The following NRG3 variants were observed in gnomAD, a reference collection of about 807,000 sequenced individuals.
NRG3 encodes neuregulin 3.
In NRG3, 31 loss-of-function variants were observed where a neutral mutation model predicts 66.9. The ratio of observed to expected loss-of-function variants is 0.46; its 90% CI spans 0.35 to 0.63. NRG3 has a LOEUF of 0.63. NRG3 is among the 20% of genes least tolerant of loss of function. The pLI is 0.00. For synonymous variants in NRG3, 393 were observed against 359.4 expected (o/e 1.09, Z -1.06); for missense variants, 910 against 878.9 (o/e 1.04, Z -0.45).
chr10:82,304,849 A>G (rs1348550936), intron 1 of NRG3, among the ~76,000 whole-genome samples: 1 of 152,080 alleles, frequency 6.6e-6, no homozygotes, highest in Non-Finnish European at 1.5e-5. Context: ...CATCATATTA[A>G]CAGGTTCCCT....
chr10:81,995,677 A>G (rs1329210227), intron 1 of NRG3, among the ~76,000 whole-genome samples: 2 of 152,154 alleles, frequency 1.3e-5, no homozygotes, highest in Non-Finnish European at 2.9e-5. Context: ...TATTCTTTCA[A>G]TTACTTCCTA....
In NRG3 at chr10:82,830,025, A is replaced by T. The variant is rs554671909; in HGVS notation, c.1028-35386A>T. On this transcript the variant is annotated intron_variant, in intron 3 of 8. Coordinates refer to ENST00000372141, the MANE Select transcript of NRG3 (RefSeq NM_001010848.4). ...TTCACATCAGAGAGCTGAGTTCCGT[A>T]TCTTCTCATGGTGATCTTTGATCCA... is the stretch of plus-strand genomic sequence containing the variant. Among the ~76,000 whole-genome samples the T allele has an allele frequency of 2.0e-5, 3 of 152,224 alleles. No homozygotes were observed. In the East Asian group the frequency reaches 5.8e-4, roughly 29 times the overall value.
intron 1 of NRG3, among the ~76,000 whole-genome samples, chr10:82,216,680 C>G (rs1254270859): frequency 6.6e-6 from 1 of 150,580 alleles, no homozygotes; most frequent in African/African-American, 2.4e-5. Context: ...TTTTATAAAT[C>G]TTAAATTTTC....
chr10:82,204,137 C>G (rs1300504792), intron 1 of NRG3, among the ~76,000 whole-genome samples: 1 of 152,136 alleles, frequency 6.6e-6, no homozygotes, highest in Non-Finnish European at 1.5e-5. Context: ...ATTTTGCAAT[C>G]TACCTCACTG....
intron 1 of NRG3, among the ~76,000 whole-genome samples, chr10:82,008,800 G>T (rs369042177): frequency 5.3e-5 from 8 of 152,296 alleles, no homozygotes; most frequent in African/African-American, 1.9e-4. Context: ...AACATCACCA[G>T]GAAGAATGCA....
chr10:82,195,389 A>G (rs568287850), intron 1 of NRG3, among the ~76,000 whole-genome samples: 10 of 152,342 alleles, frequency 6.6e-5, no homozygotes, highest in Admixed American at 3.9e-4. Flanking sequence ...AACTCTCAGC[A>G]TATGGGTCAG....
intron 1 of NRG3, among the ~76,000 whole-genome samples, chr10:82,290,665 C>G (rs1157281346): frequency 6.7e-6 from 1 of 150,050 alleles, no homozygotes; most frequent in Non-Finnish European, 1.5e-5. Flanking sequence ...GATGGAGTCT[C>G]TCTCTGTCAC....
intron 1 of NRG3, among the ~76,000 whole-genome samples, chr10:82,171,379 AC>A (rs1178799920): frequency 9.9e-5 from 10 of 100,510 alleles, no homozygotes; most frequent in Non-Finnish European, 2.5e-4. Flanking sequence ...GATTTAAAGC[AC>A]TGCTTCTACT....
intron 2 of NRG3, among the ~76,000 whole-genome samples, chr10:82,487,166 G>A (rs563352345): frequency 6.7e-6 from 1 of 149,710 alleles, no homozygotes; most frequent in East Asian, 2.0e-4. Context: ...AAATCCTGAG[G>A]ATACAAAGAA....
At chr10:82,156,541 A>G (rs909215924) in intron 1 of NRG3, among the ~76,000 whole-genome samples, 12 of 151,704 alleles carry the variant, frequency 7.9e-5, no homozygotes, top group Non-Finnish European at 1.2e-4. Context: ...GTGCCATGGT[A>G]TTTTGTGAAG....
intron 1 of NRG3, among the ~76,000 whole-genome samples, chr10:82,136,613 A>C (rs1237255184): frequency 6.6e-6 from 1 of 152,086 alleles, no homozygotes; most frequent in African/African-American, 2.4e-5. Flanking sequence ...CATAGTTATC[A>C]ATGTTCTGGG....
chr10:82,617,339 GACAC>G lies in NRG3; in HGVS notation c.954-121225_954-121222del, dbSNP rs112770194. Reference sequence around the variant, plus strand: ...GCACACATAGACACACACACACACAGACACACACACACACACCACACACATGGCA... The same window carrying G: ...GCACACATAGACACACACACACACAGACACACACACACCACACACATGGCA... On this transcript the variant is annotated intron_variant, in intron 2 of 8. Transcript: ENST00000372141. 7.4e-3 allele frequency among the ~76,000 whole-genome samples: 1,062 copies of G among 144,150 alleles called. 16 individuals carry two copies. The highest frequency in any genetic ancestry group is 0.026 in the African/African-American group (1,007 of 39,024). 94.6% of individuals were successfully genotyped at this position (144,150 alleles called of 152,430 possible).
At chr10:82,841,016 T>G (rs1422366573) in intron 3 of NRG3, among the ~76,000 whole-genome samples, 1 of 152,110 alleles carries the variant, frequency 6.6e-6, no homozygotes, top group Non-Finnish European at 1.5e-5. Context: ...CATACAGGAT[T>G]AATTGGGCCC....
chr10:82,985,710 A>G lies in NRG3; in HGVS notation c.*105A>G. On this transcript the variant is annotated 3_prime_UTR_variant, in exon 9 of 9. Coordinates refer to ENST00000372141, the MANE Select transcript of NRG3 (RefSeq NM_001010848.4). ...ATTAATTTAAGAGCATCTACTTAGA[A>G]GAAACCAAATAGTCTATCGCCCTCA... 8.0e-7 allele frequency: 1 copy of G among 1,249,982 alleles called. No homozygotes were observed. The highest frequency in any genetic ancestry group is 1.1e-6 in the Non-Finnish European group (1 of 905,734). 77.4% of individuals were successfully genotyped at this position (1,249,982 alleles called of 1,614,324 possible).
chr10:82,865,323 T>G (rs925146877), intron 3 of NRG3, 88 bp from the exon 4 acceptor site: 1 of 1,387,226 alleles, frequency 7.2e-7, no homozygotes, highest in African/African-American at 1.4e-5. Context: ...AGGGTTAGTC[T>G]TATGAGCACT....
intron 6 of NRG3, among the ~76,000 whole-genome samples, chr10:82,967,925 G>C (rs1211197246): frequency 6.6e-6 from 1 of 152,162 alleles, no homozygotes; most frequent in Non-Finnish European, 1.5e-5. Context: ...ACAGATTCCA[G>C]CAACTTGTCC....
chr10:82,370,479 T>C (rs953294967), intron 2 of NRG3, among the ~76,000 whole-genome samples: 5 of 138,018 alleles, frequency 3.6e-5, no homozygotes, highest in Admixed American at 6.8e-5. Flanking sequence ...GGGGGCAGGA[T>C]AGGGGAATGG....
At chr10:82,868,084 G>A (rs1840938974) in intron 4 of NRG3, among the ~76,000 whole-genome samples, 1 of 152,122 alleles carries the variant, frequency 6.6e-6, no homozygotes, top group Non-Finnish European at 1.5e-5. Context: ...GACTAGGATA[G>A]GTCTAGATCC....
At chr10:82,035,765 T>C (rs2062766442) in intron 1 of NRG3, among the ~76,000 whole-genome samples, 1 of 152,126 alleles carries the variant, frequency 6.6e-6, no homozygotes, top group African/African-American at 2.4e-5. Context: ...ATACTCTGCT[T>C]AAGAATAATT....
Sources: allele counts gnomAD v4.1 joint callset (sites outside exome capture counted in the v4.1 genomes callset), GRCh38; gene constraint gnomAD v4.1.1; transcripts MANE v1.5; gene names NCBI Gene and HGNC (gene_info 2026-07-23, HGNC 2026-07-21).